CDHR2: variants seen among roughly 807,000 people sequenced by gnomAD.
CDHR2 encodes cadherin related family member 2.
A neutral mutation model predicts 138.6 loss-of-function variants in CDHR2; 104 were observed. The ratio of observed to expected loss-of-function variants is 0.75; its 90% CI spans 0.64 to 0.88. The LOEUF (loss-of-function observed/expected upper bound fraction) is 0.88. Ranked by LOEUF, CDHR2 falls within the 40% of genes least tolerant of loss-of-function variation. The pLI, the probability that CDHR2 is intolerant of heterozygous loss-of-function variation, is 0.00. For missense variants in CDHR2, 1,624 were observed against 1,727.6 expected, an observed-to-expected ratio of 0.94 and a Z score of 1.06; for synonymous variants, 755 against 742.8, an observed-to-expected ratio of 1.02 and a Z score of -0.27.
Position 176,591,544 on chromosome 5 carries a change from G to A in CDHR2, c.3734+60G>A, listed in dbSNP as rs11134984. ...GGTGGTGGTACAGGTAGTGACGGTGGTGGTGGTGATGGTGTTGGTGGTGAT... is the reference window on the plus strand; with the variant it reads ...GGTGGTGGTACAGGTAGTGACGGTGATGGTGGTGATGGTGTTGGTGGTGAT... On this transcript the variant is annotated intron_variant, in intron 30 of 31. Coordinates refer to ENST00000261944, the MANE Select transcript of CDHR2 (RefSeq NM_017675.6). 1,137,553 of 1,250,294 alleles carry A rather than the reference G, an allele frequency of 0.91. 522,473 individuals carry two copies. The highest frequency in any genetic ancestry group is 0.95 in the Non-Finnish European group (806,550 of 851,774). The allele number at this position is 1,250,294 out of a possible 1,614,324, so 77.5% of individuals were successfully genotyped here. A position where few individuals can be genotyped will look rare whatever the true frequency, so the allele number is the denominator to read the frequency against.
Position 176,589,607 on chromosome 5 carries a change from C to A in CDHR2, c.3197C>A (p.Ala1066Glu), listed in dbSNP as rs1393454752. 1.9e-6 allele frequency: 3 copies of A among 1,613,704 alleles called. No individual in the cohort carries two copies. The highest frequency in any genetic ancestry group is 1.6e-4 in the Middle Eastern group (1 of 6,084). ...PKEEVGANRQ[A>E]INAALTQATR... ...GAGGAGGTGGGCGCCAACAGACAGG[C>A]GATTAATGCGTAGGTCTGGGGAGCC... Residue 1066 changes from alanine to glutamate, a missense_variant, in exon 24 of 32, where the codon GCG (alanine) becomes GAG (glutamate). This residue lies in a region of CDHR2 where 556 missense variants were observed against 565.7 expected (regional missense o/e 0.98). Transcript: ENST00000261944.
intron 3 of CDHR2, chr5:176,567,014 A>G: frequency 2.2e-6 from 1 of 456,292 alleles, no homozygotes; most frequent in South Asian, 1.5e-5. Flanking sequence ...GTATTGACAA[A>G]TACAAAACCT....
intron 5 of CDHR2, 52 bp downstream of exon 5, chr5:176,569,062 G>A: frequency 1.3e-6 from 2 of 1,575,830 alleles, no homozygotes; most frequent in East Asian, 2.3e-5. Context: ...GTCCATTCCT[G>A]ATTGTGTCCC....
intron 1 of CDHR2, among the ~76,000 whole-genome samples, chr5:176,551,701 CT>C (rs34996600): frequency 1.4e-3 from 158 of 114,238 alleles, no homozygotes; most frequent in African/African-American, 4.9e-3. Flanking sequence ...CAAGAGTTCT[CT>C]TTTTTTTTTT....
At chr5:176,549,128 G>T (rs760041774), upstream of CDHR2, among the ~76,000 whole-genome samples, 1 of 152,120 alleles carries the variant, frequency 6.6e-6, no homozygotes, top group African/African-American at 2.4e-5. Flanking sequence ...GCTCAGGGTC[G>T]GCCAGGCCCC....
rs1274736089 is a variant in CDHR2, at chr5:176,590,456, C to T, written c.3385C>T (p.Gln1129Ter). Residue 1129 changes from glutamine to a stop codon, truncating the protein, a stop_gained, in exon 27 of 32, where the codon CAG becomes TAG. Coordinates refer to ENST00000261944, the MANE Select transcript of CDHR2 (RefSeq NM_017675.6). LOFTEE classifies it high-confidence loss of function. ...MIRNDQDSLTQLLQLGLVVLG... is the reference protein window; with the variant it reads ...MIRNDQDSLT ...CCGGAATGATCAGGACTCGCTGACG[C>T]AGCTGCTGCAGCTGGGGCTGGTGGT... The T allele has an allele frequency of 1.9e-6, 3 of 1,613,996 alleles. No homozygotes were observed. The highest frequency in any genetic ancestry group is 1.7e-5 in the Admixed American group (1 of 60,018).
Position 176,590,467 on chromosome 5 carries a change from G to C in CDHR2, c.3396G>C (p.Gln1132His). 6.2e-7 allele frequency: 1 copy of C among 1,614,058 alleles called. No individual in the cohort carries two copies. Residue 1132 changes from glutamine (Q) to histidine (H), a missense_variant, in exon 27 of 32, where the codon CAG (glutamine) becomes CAC (histidine). By Grantham distance (24) the Gln-to-His change is conservative. Transcript: ENST00000261944. The stretch of plus-strand genomic sequence containing the variant: ...AGGACTCGCTGACGCAGCTGCTGCA[G>C]CTGGGGCTGGTGGTGCTGGTGAGTG... ...NDQDSLTQLL[Q>H]LGLVVLGSQE...
At chr5:176,559,042 G>T (rs1757907602) in intron 1 of CDHR2, among the ~76,000 whole-genome samples, 1 of 152,192 alleles carries the variant, frequency 6.6e-6, no homozygotes. Context: ...CAACGCACAG[G>T]CCTCTTAACG....
At chr5:176,567,533 C>T (rs1320702678) in intron 3 of CDHR2, among the ~76,000 whole-genome samples, 1 of 151,820 alleles carries the variant, frequency 6.6e-6, no homozygotes, top group Non-Finnish European at 1.5e-5. Context: ...GCTCTGTCAC[C>T]CAGGCTGGAG....
chr5:176,587,946 A>G (rs2113323470), intron 21 of CDHR2, among the ~76,000 whole-genome samples: 1 of 152,332 alleles, frequency 6.6e-6, no homozygotes, highest in East Asian at 1.9e-4. Context: ...TAGCCACGGC[A>G]ATTTTCTTTA....
rs1180478028 is a variant in CDHR2 at position 176,584,398 on chromosome 5, C to T, written c.2129-12C>T. The T allele has an allele frequency of 4.4e-6, 7 of 1,599,172 alleles. No homozygotes were observed. The highest frequency in any genetic ancestry group is 6.0e-6 in the Non-Finnish European group (7 of 1,171,262). ...GTCAGGAGTCCTTCTGAGCTCTGCC[C>T]CTTGTCCACAGGAGTGCTAGTGGGC... is the stretch of plus-strand genomic sequence containing the variant. On this transcript the variant is annotated splice_polypyrimidine_tract_variant and intron_variant, in intron 18 of 31. Transcript: ENST00000261944.
chr5:176,570,099 CA>C (rs1220386693), intron 5 of CDHR2, among the ~76,000 whole-genome samples: 2 of 152,180 alleles, frequency 1.3e-5, no homozygotes, highest in African/African-American at 4.8e-5. Context: ...CTTCTTGGTG[CA>C]TTTTTTGAAA....
rs1246816742 is a variant in CDHR2 at position 176,584,955 on chromosome 5, C to G, written c.2674C>G (p.Leu892Val). Residue 892 changes from leucine to valine, a missense_variant, in exon 19 of 32, where the codon CTG becomes GTG. By Grantham distance (32) the Leu-to-Val change is conservative. Coordinates refer to ENST00000261944, the MANE Select transcript of CDHR2 (RefSeq NM_017675.6). ...CTACGAGGCCTGTGACCTGGTCACGCTGGTTGTGCGGGCCTGTGACCTAGC... is the reference window on the plus strand; with the variant it reads ...CTACGAGGCCTGTGACCTGGTCACGGTGGTTGTGCGGGCCTGTGACCTAGC... ...IDYEACDLVT[L>V]VVRACDLATD... 4 of 1,573,488 alleles carry G rather than the reference C, an allele frequency of 2.5e-6. No homozygotes were observed. The highest frequency in any genetic ancestry group is 3.5e-6 in the Non-Finnish European group (4 of 1,158,940).
intron 31 of CDHR2, among the ~76,000 whole-genome samples, chr5:176,593,311 G>A (rs538384261): frequency 6.6e-6 from 1 of 152,334 alleles, no homozygotes; most frequent in Admixed American, 6.5e-5. Context: ...AGGAGCTCTT[G>A]AAAAATACTG....
chr5:176,576,127 A>C lies in CDHR2; in HGVS notation c.1136A>C (p.His379Pro). Reference sequence around the variant, plus strand: ...AACTTCACTGGCTACGTGGACGAGCATGCCTCCCCCCGCATCCCCATCGAT... The same window carrying C: ...AACTTCACTGGCTACGTGGACGAGCCTGCCTCCCCCCGCATCCCCATCGAT... ...QVNFTGYVDE[H>P]ASPRIPIDDL... The change falls in exon 12 of 32, where the codon CAT becomes CCT. Residue 379 changes from histidine (H) to proline (P), a missense_variant. Physicochemically the swap from His to Pro is moderately conservative, Grantham distance 77. Around this residue, in one of 3 missense-constraint regions of CDHR2, gnomAD observed 1,061 missense variants for 1,136.6 expected, o/e 0.93. Coordinates refer to ENST00000261944, the MANE Select transcript of CDHR2 (RefSeq NM_017675.6). This position sits in a 1 kb window ranked among gnomAD's most constrained non-coding sequence, Gnocchi z 4.5. The C allele has an allele frequency of 6.2e-7, 1 of 1,613,870 alleles. No individual in the cohort carries two copies. Among genetic ancestry groups the C allele is most frequent in the Non-Finnish European group, 8.5e-7 (1 of 1,179,938 alleles).
chr5:176,544,070 GT>G (rs1356567451), intron 1 of CDHR2, among the ~76,000 whole-genome samples: 1 of 152,278 alleles, frequency 6.6e-6, no homozygotes, highest in Non-Finnish European at 1.5e-5. Flanking sequence ...TGGCATGCAG[GT>G]GGTGGTAGTC....
Position 176,581,599 on chromosome 5 carries a change from C to A in CDHR2, c.2058+17C>A. Reference sequence around the variant, plus strand: ...ACTGTGGAGGTAAGGCCTCGCTTAGCCAGGATGGGCCTGGGGGCCTCCCAA... The same window carrying A: ...ACTGTGGAGGTAAGGCCTCGCTTAGACAGGATGGGCCTGGGGGCCTCCCAA... On this transcript the variant is annotated intron_variant, in intron 17 of 31. Transcript: ENST00000261944. The A allele has an allele frequency of 6.2e-7, 1 of 1,608,190 alleles. No homozygotes were observed.
chr5:176,589,159 C>T lies in CDHR2; in HGVS notation c.2985C>T (p.Ala995=), dbSNP rs776432737. ...GVFSIFTSSE[A]DVFAGSIQPV... ...TCTCGATCTTCACCTCCTCCGAGGC[C>T]GACGTGTTCGCTGGGAGCATTCAGT... is the stretch of plus-strand genomic sequence containing the variant. The change falls in exon 22 of 32, where the codon GCC becomes GCT. Residue 995 remains alanine (A), a synonymous_variant. Transcript: ENST00000261944. 35 of 1,614,148 alleles carry T rather than the reference C, an allele frequency of 2.2e-5. No individual in the cohort carries two copies. The African/African-American group carries it at 3.1e-4, about 14-fold the overall frequency.
At chr5:176,579,155 T>C (rs1581143706) in intron 16 of CDHR2, among the ~76,000 whole-genome samples, 1 of 152,186 alleles carries the variant, frequency 6.6e-6, no homozygotes. Flanking sequence ...GGGGAGTAGC[T>C]TCCTCCCTCG....
Sources: allele counts gnomAD v4.1 joint callset (sites outside exome capture counted in the v4.1 genomes callset), GRCh38; gene constraint gnomAD v4.1.1; regional missense constraint gnomAD v4.1.1; non-coding constraint Gnocchi (gnomAD v3.1); transcripts MANE v1.5; gene names NCBI Gene and HGNC (gene_info 2026-07-23, HGNC 2026-07-21).